Variants in SNX29 observed in about 807,000 individuals in gnomAD.
SNX29 encodes the protein sorting nexin-29.
A neutral mutation model predicts 102.1 loss-of-function variants in SNX29; 78 were observed. That is an observed-to-expected ratio of 0.76 (90% confidence interval 0.64 to 0.92). SNX29 has a LOEUF of 0.92. SNX29 is among the 40% of genes least tolerant of loss of function. The probability of loss-of-function intolerance (pLI) is 0.00; values close to 1 mark genes in which losing one functional copy is unlikely to be tolerated. For synonymous variants in SNX29, 580 were observed against 414.5 expected (o/e 1.40, Z -4.85); for missense variants, 1,280 against 1,061.7 (o/e 1.21, Z -2.86).
At position 12,571,172 on chromosome 16, in the gene SNX29, C is replaced by CTA. The variant is rs2141587615; in HGVS notation, c.*2544_*2545dup. On this transcript the variant is annotated 3_prime_UTR_variant, in exon 21 of 21. Coordinates refer to ENST00000566228, the MANE Select transcript of SNX29 (RefSeq NM_032167.5). ...GCTCAGAAGAATCCCGTCCTGCTCT[C>CTA]TAGTGTGGTGGGATGAACTTCAGGC... 1 of 232,670 alleles carries CTA rather than the reference C, an allele frequency of 4.3e-6. No homozygotes were observed. Among genetic ancestry groups the CTA allele is most frequent in the Non-Finnish European group, 8.5e-6 (1 of 117,650 alleles). 14.4% of individuals were successfully genotyped at this position (232,670 alleles called of 1,614,324 possible).
In SNX29 at chr16:12,304,181, G is replaced by A. The variant is rs116519355; in HGVS notation, c.1782+26145G>A. On this transcript the variant is annotated intron_variant, in intron 15 of 20. Coordinates refer to ENST00000566228, the MANE Select transcript of SNX29 (RefSeq NM_032167.5). ...GCTGTGAATCCTATCACTGTTTTTTGTTTTTTTTTTTTGCCTTGACTTCTA... is the reference window on the plus strand; with the variant it reads ...GCTGTGAATCCTATCACTGTTTTTTATTTTTTTTTTTTGCCTTGACTTCTA... Among the ~76,000 whole-genome samples, 41 of 142,058 alleles carry A rather than the reference G, an allele frequency of 2.9e-4. 2 individuals are homozygous for A. In the East Asian group the frequency reaches 8.4e-3, roughly 29 times the overall value. The allele number at this position is 142,058 out of a possible 152,430, so 93.2% of individuals were successfully genotyped here.
chr16:12,019,609 T>A (rs1214475054), intron 3 of SNX29, among the ~76,000 whole-genome samples: 1 of 150,824 alleles, frequency 6.6e-6, no homozygotes, highest in Non-Finnish European at 1.5e-5. Flanking sequence ...GATAGATAGA[T>A]AGATAGATAG....
intron 14 of SNX29, among the ~76,000 whole-genome samples, chr16:12,243,866 T>C (rs2078184157): frequency 1.3e-5 from 2 of 152,138 alleles, no homozygotes; most frequent in Non-Finnish European, 2.9e-5. Context: ...TGTTAAAACT[T>C]TGTATCTTTG....
chr16:12,079,429 G>A (rs1170909177), intron 11 of SNX29, among the ~76,000 whole-genome samples: 1 of 152,132 alleles, frequency 6.6e-6, no homozygotes, highest in Non-Finnish European at 1.5e-5. Flanking sequence ...AAACTGACGG[G>A]TGCTCCTGGT....
intron 18 of SNX29, among the ~76,000 whole-genome samples, chr16:12,461,109 G>A (rs1437330902): frequency 6.6e-6 from 1 of 152,206 alleles, no homozygotes; most frequent in Non-Finnish European, 1.5e-5. Context: ...TGTGTGGAGA[G>A]CTTTAGCAAA....
chr16:12,325,979 G>A (rs778121251), intron 15 of SNX29, among the ~76,000 whole-genome samples: 4 of 151,956 alleles, frequency 2.6e-5, no homozygotes, highest in Admixed American at 6.5e-5. Context: ...GCAGTGAGCT[G>A]TAATCACACA....
chr16:12,157,985 A>G (rs2055624705), intron 13 of SNX29, among the ~76,000 whole-genome samples: 1 of 152,132 alleles, frequency 6.6e-6, no homozygotes, highest in Admixed American at 6.6e-5. Flanking sequence ...GACTTGTATT[A>G]TAATTCACAT....
chr16:12,509,220 G>A (rs998386524), intron 19 of SNX29, among the ~76,000 whole-genome samples: 1 of 152,216 alleles, frequency 6.6e-6, no homozygotes, highest in Non-Finnish European at 1.5e-5. Context: ...GACCGTCACA[G>A]TTGGAATCGA....
chr16:12,415,274 T>C (rs533971873), intron 18 of SNX29, among the ~76,000 whole-genome samples: 21 of 152,380 alleles, frequency 1.4e-4, no homozygotes, highest in African/African-American at 5.0e-4. Flanking sequence ...TCCTGAAGGC[T>C]GGGGAGTGGG....
At chr16:12,229,019 C>A (rs943620490) in intron 14 of SNX29, among the ~76,000 whole-genome samples, 1 of 152,256 alleles carries the variant, frequency 6.6e-6, no homozygotes, top group East Asian at 1.9e-4. Flanking sequence ...GCAGGGCTTG[C>A]TTGCCCTCAT....
intron 1 of SNX29, among the ~76,000 whole-genome samples, chr16:11,981,713 G>C (rs532246335): frequency 6.6e-6 from 1 of 152,224 alleles, no homozygotes; most frequent in African/African-American, 2.4e-5. Context: ...CCAGGCAGTG[G>C]AATGGCGCTA....
At chr16:12,543,895 C>T (rs1225965634) in intron 20 of SNX29, among the ~76,000 whole-genome samples, 2 of 152,188 alleles carry the variant, frequency 1.3e-5, no homozygotes, top group Non-Finnish European at 2.9e-5. Flanking sequence ...TTGCGTATTC[C>T]TTCATCCTGG....
chr16:12,050,818 T>A (rs1180572359), intron 7 of SNX29, among the ~76,000 whole-genome samples: 1 of 151,916 alleles, frequency 6.6e-6, no homozygotes, highest in Non-Finnish European at 1.5e-5. Context: ...TTCAAGAAAT[T>A]CTCCTGCCTC....
chr16:12,109,096 C>G (rs350253), intron 11 of SNX29, among the ~76,000 whole-genome samples: 40,794 of 139,278 alleles, frequency 0.29, 7,663 homozygotes, highest in African/African-American at 0.53. Flanking sequence ...CCATTGCACT[C>G]CAGCCTGGGC....
At chr16:12,414,653 C>T (rs2151560056) in intron 18 of SNX29, among the ~76,000 whole-genome samples, 1 of 152,290 alleles carries the variant, frequency 6.6e-6, no homozygotes, top group Admixed American at 6.5e-5. Context: ...AGAAGTCCTG[C>T]AAAGACATTT....
At chr16:12,378,016 G>C (rs1440873374) in intron 16 of SNX29, among the ~76,000 whole-genome samples, 5 of 152,190 alleles carry the variant, frequency 3.3e-5, no homozygotes, top group African/African-American at 1.2e-4. Flanking sequence ...GATGATTCCA[G>C]TGGAAGAAAC....
rs753758632 is a variant in SNX29, at chr16:12,398,521, T to A, written c.1955+20T>A. ...TGAAATGTAAGTCCACAGCCTGTGC[T>A]CACAAGGGGTCCTTTAGAAACTGGA... is the stretch of plus-strand genomic sequence containing the variant. On this transcript the variant is annotated intron_variant, in intron 17 of 20. Coordinates refer to ENST00000566228, the MANE Select transcript of SNX29 (RefSeq NM_032167.5). 6.2e-7 allele frequency: 1 copy of A among 1,613,908 alleles called. No homozygotes were observed. Among genetic ancestry groups the A allele is most frequent in the Non-Finnish European group, 8.5e-7 (1 of 1,179,794 alleles).
intron 7 of SNX29, among the ~76,000 whole-genome samples, chr16:12,051,579 C>G (rs1413162957): frequency 6.6e-6 from 1 of 152,176 alleles, no homozygotes; most frequent in African/African-American, 2.4e-5. Context: ...TGGTAGCATC[C>G]TTCGCATCAA....
At chr16:12,229,114 C>G (rs2077698206) in intron 14 of SNX29, among the ~76,000 whole-genome samples, 1 of 152,224 alleles carries the variant, frequency 6.6e-6, no homozygotes, top group Non-Finnish European at 1.5e-5. Flanking sequence ...CTTCAGCATT[C>G]CAGCTATGTT....
Sources: allele counts gnomAD v4.1 joint callset (sites outside exome capture counted in the v4.1 genomes callset), GRCh38; gene constraint gnomAD v4.1.1; transcripts MANE v1.5; gene names NCBI Gene and HGNC (gene_info 2026-07-23, HGNC 2026-07-21).